Variants in LUZP2 observed in about 807,000 individuals in gnomAD.
The protein encoded by LUZP2 is leucine zipper protein 2.
A neutral mutation model predicts 51.6 loss-of-function variants in LUZP2; 52 were observed. The ratio of observed to expected loss-of-function variants is 1.01; its 90% CI spans 0.81 to 1.27. The LOEUF (loss-of-function observed/expected upper bound fraction) is 1.27. Ranked by LOEUF, LUZP2 falls within the 50% of genes most tolerant of loss-of-function variation. The pLI, the probability that LUZP2 is intolerant of heterozygous loss-of-function variation, is 0.00. For synonymous variants in LUZP2, 154 were observed against 137.3 expected, an observed-to-expected ratio of 1.12 and a Z score of -0.85; for missense variants, 436 against 395.4, an observed-to-expected ratio of 1.10 and a Z score of -0.87.
At chr11:24,941,878 A>G (rs1854759738) in intron 7 of LUZP2, among the ~76,000 whole-genome samples, 1 of 152,086 alleles carries the variant, frequency 6.6e-6, no homozygotes, top group Admixed American at 6.6e-5. Flanking sequence ...AAGATATATA[A>G]CTGTGCCATC....
intron 5 of LUZP2, among the ~76,000 whole-genome samples, chr11:24,894,796 A>G (rs934498518): frequency 3.9e-5 from 6 of 152,160 alleles, no homozygotes; most frequent in Non-Finnish European, 7.3e-5. Flanking sequence ...TACCCTCTAG[A>G]CTTTATGTAT....
intron 1 of LUZP2, among the ~76,000 whole-genome samples, chr11:24,596,362 C>A (rs748161390): frequency 2.6e-5 from 4 of 152,148 alleles, no homozygotes; most frequent in African/African-American, 4.8e-5. Context: ...ATTAATGCTG[C>A]TGAAGATAGG....
intron 11 of LUZP2, among the ~76,000 whole-genome samples, chr11:25,077,654 C>T (rs1199929513): frequency 6.6e-6 from 1 of 151,766 alleles, no homozygotes; most frequent in African/African-American, 2.4e-5. Flanking sequence ...CGCCCACCAC[C>T]ACGCCCAAAT....
chr11:24,638,294 C>CA (rs1855170427), intron 1 of LUZP2, among the ~76,000 whole-genome samples: 1 of 151,254 alleles, frequency 6.6e-6, no homozygotes, highest in South Asian at 2.1e-4. Flanking sequence ...CATTTAGCTA[C>CA]AAAAAATTAA....
chr11:24,998,943 T>G (rs1446734253), intron 9 of LUZP2, among the ~76,000 whole-genome samples: 1 of 152,216 alleles, frequency 6.6e-6, no homozygotes, highest in Non-Finnish European at 1.5e-5. Context: ...AAACTGTTTT[T>G]GTGTGAAATT....
chr11:24,799,365 A>G (rs1380533301), intron 5 of LUZP2, among the ~76,000 whole-genome samples: 1 of 152,078 alleles, frequency 6.6e-6, no homozygotes, highest in South Asian at 2.1e-4. Context: ...TGAGAGGCCA[A>G]TGTGGGGGGA....
chr11:24,788,852 G>T (rs1303474989), intron 5 of LUZP2, among the ~76,000 whole-genome samples: 1 of 152,054 alleles, frequency 6.6e-6, no homozygotes, highest in Admixed American at 6.5e-5. Flanking sequence ...TTCTATTCAG[G>T]CCTTTGAATG....
intron 7 of LUZP2, among the ~76,000 whole-genome samples, chr11:24,918,177 A>G (rs1853864401): frequency 6.6e-6 from 1 of 152,070 alleles, no homozygotes; most frequent in Non-Finnish European, 1.5e-5. Flanking sequence ...ATTTTTGGAC[A>G]TTGATTTTGC....
intron 6 of LUZP2, among the ~76,000 whole-genome samples, chr11:24,911,533 C>G (rs1853634785): frequency 6.6e-6 from 1 of 152,040 alleles, no homozygotes; most frequent in East Asian, 1.9e-4. Context: ...TCTGGCATTT[C>G]CCCTGCTGGC....
intron 7 of LUZP2, among the ~76,000 whole-genome samples, chr11:24,916,144 C>T (rs1019648092): frequency 4.6e-5 from 7 of 151,710 alleles, no homozygotes; most frequent in Middle Eastern, 3.4e-3. Context: ...TGCTTGAGAG[C>T]TGCCTTTAGC....
chr11:24,875,433 C>T lies in LUZP2; in HGVS notation c.397-30558C>T, dbSNP rs1056956888. On this transcript the variant is annotated intron_variant, in intron 5 of 11. Transcript: ENST00000336930. ...CATGTCCCTACAAAGGACATGAACTCATCCTTTTTTATGGCTGCATAGTAT... is the reference window on the plus strand; with the variant it reads ...CATGTCCCTACAAAGGACATGAACTTATCCTTTTTTATGGCTGCATAGTAT... 1.4e-4 allele frequency among the ~76,000 whole-genome samples: 20 copies of T among 141,046 alleles called. 1 individual carries two copies. The highest frequency in any genetic ancestry group is 4.2e-4 in the African/African-American group (16 of 37,962). 92.5% of individuals were successfully genotyped at this position (141,046 alleles called of 152,430 possible).
intron 5 of LUZP2, among the ~76,000 whole-genome samples, chr11:24,809,498 G>A (rs1167683628): frequency 2.0e-5 from 3 of 151,982 alleles, no homozygotes; most frequent in African/African-American, 7.2e-5. Context: ...TCCTATAAGT[G>A]CAAGTCTCAC....
intron 1 of LUZP2, among the ~76,000 whole-genome samples, chr11:24,550,249 T>C (rs1851686559): frequency 6.6e-6 from 1 of 152,128 alleles, no homozygotes; most frequent in African/African-American, 2.4e-5. Context: ...ATTTATGTAT[T>C]AAAAACATAA....
intron 1 of LUZP2, among the ~76,000 whole-genome samples, chr11:24,669,781 T>A (rs1223052104): frequency 1.3e-5 from 2 of 152,044 alleles, no homozygotes; most frequent in East Asian, 1.9e-4. Context: ...CTTTCTAGAC[T>A]TTTCGAAGGT....
chr11:24,846,373 T>A (rs1231144983), intron 5 of LUZP2, among the ~76,000 whole-genome samples: 4 of 151,722 alleles, frequency 2.6e-5, no homozygotes, highest in Non-Finnish European at 5.9e-5. Flanking sequence ...AACTAAAAAA[T>A]TTTGAAAACG....
chr11:25,054,947 C>G (rs1489478199), intron 10 of LUZP2, among the ~76,000 whole-genome samples: 2 of 7,300 alleles, frequency 2.7e-4, no homozygotes, highest in Non-Finnish European at 5.0e-4. Flanking sequence ...CTTAATAATA[C>G]TGTTTTTTTT....
chr11:24,923,235 T>G (rs1854127319), intron 7 of LUZP2, among the ~76,000 whole-genome samples: 1 of 152,150 alleles, frequency 6.6e-6, no homozygotes. Context: ...TTAAGGTGAT[T>G]TACAGATTAT....
chr11:24,943,689 C>T (rs1307143765), intron 7 of LUZP2, among the ~76,000 whole-genome samples: 1 of 151,890 alleles, frequency 6.6e-6, no homozygotes, highest in African/African-American at 2.4e-5. Flanking sequence ...ACCAGCCTGG[C>T]CAACATGGTG....
At chr11:24,944,231 G>C (rs1271898143) in intron 7 of LUZP2, among the ~76,000 whole-genome samples, 1 of 151,994 alleles carries the variant, frequency 6.6e-6, no homozygotes, top group African/African-American at 2.4e-5. Context: ...GAAGCTCCTC[G>C]GTTAACTTAA....
Sources: allele counts gnomAD v4.1 joint callset (sites outside exome capture counted in the v4.1 genomes callset), GRCh38; gene constraint gnomAD v4.1.1; transcripts MANE v1.5; gene names NCBI Gene and HGNC (gene_info 2026-07-23, HGNC 2026-07-21).